The following MIS18BP1 variants were observed in gnomAD, a reference collection of about 807,000 sequenced individuals.
MIS18BP1 encodes the protein mis18-binding protein 1.
Under a neutral mutation model 116.1 loss-of-function variants are expected in MIS18BP1, and 72 were observed. The observed-to-expected ratio is 0.62, with a 90% CI of 0.51 to 0.75. The LOEUF is 0.75. MIS18BP1 is among the 30% of genes least tolerant of loss of function. The pLI is 0.00. For synonymous variants in MIS18BP1, 386 were observed against 427.0 expected (o/e 0.90, Z 1.18); for missense variants, 1,363 against 1,303.2 (o/e 1.05, Z -0.71).
chr14:45,234,210 T>A (rs1594519282), intron 6 of MIS18BP1, among the ~76,000 whole-genome samples: 1 of 151,104 alleles, frequency 6.6e-6, no homozygotes. Context: ...GAACTGGAGG[T>A]TAAAGAGAAT....
chr14:45,242,766 G>A lies in MIS18BP1; in HGVS notation c.653C>T (p.Thr218Ile), dbSNP rs1230957690. Residue 218 changes from threonine to isoleucine, a missense_variant, in exon 3 of 17, where the codon ACT (threonine) becomes ATT (isoleucine). Transcript: ENST00000310806. ...ACAAACCAAAAATAGTTTACCGTAA[G>A]TTAAATTGTGCAGTGGTGCTTTCTT... Reference protein sequence around the residue: ...QEKKAPLHNLTYELPTLNQEQ... With the variant: ...QEKKAPLHNLIYELPTLNQEQ... The A allele has an allele frequency of 6.2e-7, 1 of 1,601,700 alleles. No homozygotes were observed. Among genetic ancestry groups the A allele is most frequent in the Non-Finnish European group, 8.5e-7 (1 of 1,175,290 alleles).
At chr14:45,250,663 G>T (rs1404787500) in intron 1 of MIS18BP1, among the ~76,000 whole-genome samples, 1 of 152,204 alleles carries the variant, frequency 6.6e-6, no homozygotes, top group East Asian at 1.9e-4. Flanking sequence ...GACAAATGTT[G>T]ATGTACTAGG....
chr14:45,235,818 T>C lies in MIS18BP1; in HGVS notation c.1344A>G (p.Glu448=), dbSNP rs144651511. Residue 448 remains glutamate (E), a synonymous_variant, in exon 6 of 17, where the codon GAA becomes GAG. Transcript: ENST00000310806. ...KGMIDQISMK[E]AGYPNYLIRK... is the part of the protein sequence containing the mutation. ...TCAATAATGACAGTCATTTACCTGCTTCTTTCATGGAAATTTGGTCTATCA... is the reference window on the plus strand; with the variant it reads ...TCAATAATGACAGTCATTTACCTGCCTCTTTCATGGAAATTTGGTCTATCA... 153 of 1,596,996 alleles carry C rather than the reference T, an allele frequency of 9.6e-5. No homozygotes were observed. The highest frequency in any genetic ancestry group is 1.2e-4 in the Non-Finnish European group (138 of 1,174,576).
intron 2 of MIS18BP1, among the ~76,000 whole-genome samples, chr14:45,245,581 C>A (rs1474164220): frequency 3.3e-5 from 5 of 152,086 alleles, no homozygotes; most frequent in Non-Finnish European, 7.4e-5. Context: ...TCAGGCTGGT[C>A]TTGAACCCCC....
chr14:45,232,826 T>G lies in MIS18BP1; in HGVS notation c.1349-6A>C. 7.8e-7 allele frequency: 1 copy of G among 1,284,514 alleles called. No individual in the cohort carries two copies. Among genetic ancestry groups the G allele is most frequent in the South Asian group, 1.3e-5 (1 of 75,388 alleles). The allele number at this position is 1,284,514 out of a possible 1,614,324, so 79.6% of individuals were successfully genotyped here. A position where few individuals can be genotyped will look rare whatever the true frequency, so the allele number is the denominator to read the frequency against. On this transcript the variant is annotated splice_polypyrimidine_tract_variant and splice_region_variant and intron_variant, in intron 6 of 16. Transcript: ENST00000310806. ...TATGAGATAATTTGGATATCCTATT[T>G]AAGGATAAACAACAACAAAAAGTAT...
chr14:45,216,346 T>C (rs1197104473), intron 13 of MIS18BP1, among the ~76,000 whole-genome samples: 1 of 152,228 alleles, frequency 6.6e-6, no homozygotes, highest in East Asian at 1.9e-4. Flanking sequence ...TAGCAGTGGA[T>C]ATTTTAACTT....
intron 10 of MIS18BP1, 108 bp from the exon 11 acceptor site, chr14:45,224,854 C>T (rs1179882291): frequency 2.0e-5 from 17 of 844,134 alleles, no homozygotes; most frequent in South Asian, 1.3e-4. Context: ...TTTTTATCCA[C>T]GAGCTACACT....
rs35409821 is a variant in MIS18BP1 at position 45,238,115 on chromosome 14, G to GT, written c.1144-395dup. Among the ~76,000 whole-genome samples the GT allele has an allele frequency of 6.5e-3, 901 of 138,290 alleles. 2 individuals are homozygous for GT. Among genetic ancestry groups the GT allele is most frequent in the Middle Eastern group, 0.015 (4 of 270 alleles). The allele number at this position is 138,290 out of a possible 152,430, so 90.7% of individuals were successfully genotyped here. On this transcript the variant is annotated intron_variant, in intron 4 of 16. Coordinates refer to ENST00000310806, the MANE Select transcript of MIS18BP1 (RefSeq NM_018353.5). ...ATGTTTTGTCCTTAAAAAATTAAGAGTTTTTTTTTTTTTTTGTAAAGTTTA... is the reference window on the plus strand; with the variant it reads ...ATGTTTTGTCCTTAAAAAATTAAGAGTTTTTTTTTTTTTTTTGTAAAGTTTA...
chr14:45,228,819 T>C (rs1891195961), intron 8 of MIS18BP1, among the ~76,000 whole-genome samples: 1 of 152,248 alleles, frequency 6.6e-6, no homozygotes, highest in Non-Finnish European at 1.5e-5. Context: ...AGAGCAATAC[T>C]ATGATACACA....
chr14:45,252,221 AAAATG>A (rs1263333209), intron 1 of MIS18BP1, among the ~76,000 whole-genome samples: 4 of 152,244 alleles, frequency 2.6e-5, no homozygotes, highest in African/African-American at 9.6e-5. Flanking sequence ...ACTGCAGCAT[AAAATG>A]AAATGAAACA....
At chr14:45,217,431 A>G (rs1453872914) in intron 12 of MIS18BP1, among the ~76,000 whole-genome samples, 1 of 152,138 alleles carries the variant, frequency 6.6e-6, no homozygotes, top group Non-Finnish European at 1.5e-5. Context: ...CTAAAAAAAT[A>G]CAGATATAGA....
chr14:45,209,388 T>G (rs1226918210), intron 14 of MIS18BP1, among the ~76,000 whole-genome samples: 1 of 152,112 alleles, frequency 6.6e-6, no homozygotes, highest in Admixed American at 6.6e-5. Flanking sequence ...GTGCAATTGT[T>G]GCAATCACAG....
chr14:45,235,411 T>C (rs1293672993), intron 6 of MIS18BP1, among the ~76,000 whole-genome samples: 1 of 151,634 alleles, frequency 6.6e-6, no homozygotes, highest in East Asian at 1.9e-4. Context: ...ACCAGCCTGG[T>C]GAAACCCCGT....
Position 45,246,972 on chromosome 14 carries a change from T to C in MIS18BP1, c.315A>G (p.Lys105=). 1.9e-6 allele frequency: 3 copies of C among 1,609,590 alleles called. No individual in the cohort carries two copies. Among genetic ancestry groups the C allele is most frequent in the Non-Finnish European group, 2.5e-6 (3 of 1,179,040 alleles). The change falls in exon 2 of 17, where the codon AAA becomes AAG. Residue 105 remains lysine (K), a synonymous_variant. Transcript: ENST00000310806. ...IKPNKDGLKN[K]ANYESPGKIF... ...TTTTTCCTGGTGATTCATAGTTTGC[T>C]TTATTTTTTAATCCATCCTTGTTGG...
rs775398911 is a variant in MIS18BP1, at chr14:45,246,829, ACT to A, written c.456_457del (p.Arg152SerfsTer2). On this transcript the variant is annotated frameshift_variant, in exon 2 of 17. Coordinates refer to ENST00000310806, the MANE Select transcript of MIS18BP1 (RefSeq NM_018353.5). LOFTEE classifies it high-confidence loss of function. ...GGTATGCTGCAATTTTTTTTTTTCA[ACT>A]CTGTTAGGAGTGAAGGTTTCATTAT... is the stretch of plus-strand genomic sequence containing the variant. 2.5e-6 allele frequency: 4 copies of A among 1,594,492 alleles called. No homozygotes were observed. Among genetic ancestry groups the A allele is most frequent in the African/African-American group, 2.7e-5 (2 of 73,056 alleles).
At position 45,227,722 on chromosome 14, in the gene MIS18BP1, G is replaced by T. The variant is rs1412620206; in HGVS notation, c.1687C>A (p.Pro563Thr). Residue 563 changes from proline to threonine, a missense_variant, in exon 9 of 17, where the codon CCA (proline) becomes ACA (threonine). Pro to Thr is a conservative substitution (Grantham distance 38, BLOSUM62 -1). Coordinates refer to ENST00000310806, the MANE Select transcript of MIS18BP1 (RefSeq NM_018353.5). ...NCQNKPTLRF[P>T]DDQVNNTIQN... ...ATAGTATTATTTACTTGGTCATCTG[G>T]GAACCTTAATGTTGGTTTATTTTGG... 1.9e-6 allele frequency: 3 copies of T among 1,613,630 alleles called. No homozygotes were observed. Among genetic ancestry groups the T allele is most frequent in the East Asian group, 4.5e-5 (2 of 44,884 alleles).
At chr14:45,226,364 A>C (rs1180692091) in intron 10 of MIS18BP1, among the ~76,000 whole-genome samples, 1 of 152,192 alleles carries the variant, frequency 6.6e-6, no homozygotes, top group African/African-American at 2.4e-5. Flanking sequence ...AAAGCCTCTA[A>C]ATTATGGCAT....
rs771210096 is a variant in MIS18BP1, at chr14:45,224,088, CTTTT to C, written c.2495_2498del (p.Gln832ArgfsTer26). ...TTTCTTTGACGGAAGGTCTAGCTTT[CTTTT>C]GTTTGATATAAAATTCATTTTCACT... On this transcript the variant is annotated frameshift_variant, in exon 11 of 17. Transcript: ENST00000310806. LOFTEE classifies it high-confidence loss of function. The C allele has an allele frequency of 6.2e-7, 1 of 1,612,346 alleles. No homozygotes were observed. The highest frequency in any genetic ancestry group is 8.5e-7 in the Non-Finnish European group (1 of 1,179,652).
chr14:45,236,686 CTTTA>C (rs1891437990), intron 5 of MIS18BP1, among the ~76,000 whole-genome samples: 2 of 151,276 alleles, frequency 1.3e-5, no homozygotes, highest in Non-Finnish European at 2.9e-5. Context: ...TTCTCTTTTG[CTTTA>C]TTTACTTATT....
Sources: allele counts gnomAD v4.1 joint callset (sites outside exome capture counted in the v4.1 genomes callset), GRCh38; gene constraint gnomAD v4.1.1; transcripts MANE v1.5; gene names NCBI Gene and HGNC (gene_info 2026-07-23, HGNC 2026-07-21).